ANXA4: variants seen among roughly 807,000 people sequenced by gnomAD.
The protein encoded by ANXA4 is 35-beta calcimedin.
ANXA4 carries 39 observed loss-of-function variants against 49.8 expected under a neutral mutation model. The observed-to-expected ratio is 0.78, with a 90% CI of 0.61 to 1.02. ANXA4 has a LOEUF of 1.02. Ranked by LOEUF, ANXA4 falls within the 50% of genes least tolerant of loss-of-function variation. The pLI is 0.00. For missense variants in ANXA4, 360 were observed against 410.1 expected (o/e 0.88, Z 1.05); for synonymous variants, 134 against 152.5 (o/e 0.88, Z 0.89).
At chr2:69,825,370 A>C in intron 12 of ANXA4, 86 bp from the exon 13 acceptor site, 1 of 1,102,256 alleles carries the variant, frequency 9.1e-7, no homozygotes, top group Non-Finnish European at 1.3e-6. Flanking sequence ...AATCCAGCCA[A>C]GCTTGAAAAA....
At chr2:69,781,290 A>G (rs764404614) in intron 1 of ANXA4, 1 of 571,116 alleles carries the variant, frequency 1.8e-6, no homozygotes, top group African/African-American at 1.9e-5. Flanking sequence ...ATCTCCAAAC[A>G]GAAGAACAGG....
chr2:69,802,869 T>A, intron 3 of ANXA4, among the ~76,000 whole-genome samples: 1 of 151,446 alleles, frequency 6.6e-6, no homozygotes, highest in South Asian at 2.1e-4. Context: ...AAGGGAGAAA[T>A]TGATTGTTAT....
intron 3 of ANXA4, among the ~76,000 whole-genome samples, chr2:69,790,641 T>C (rs1672651513): frequency 6.6e-6 from 1 of 152,110 alleles, no homozygotes; most frequent in Admixed American, 6.6e-5. Context: ...TTGGTCTTAC[T>C]TTCCCAAAAA....
At chr2:69,725,291 A>G (rs1231319761) in intron 3 of ANXA4, among the ~76,000 whole-genome samples, 1 of 151,246 alleles carries the variant, frequency 6.6e-6, no homozygotes, top group Non-Finnish European at 1.5e-5. Flanking sequence ...TTTTTATTTG[A>G]GGCATCATTT....
intron 7 of ANXA4, 104 bp from the exon 8 acceptor site, chr2:69,812,549 T>C: frequency 1.1e-6 from 1 of 909,224 alleles, no homozygotes; most frequent in Non-Finnish European, 1.7e-6. Context: ...GCTCCAATTC[T>C]TGTGGTATTT....
At chr2:69,658,505 A>T (rs908958010) in intron 2 of ANXA4, among the ~76,000 whole-genome samples, 3 of 152,082 alleles carry the variant, frequency 2.0e-5, no homozygotes, top group Non-Finnish European at 4.4e-5. Context: ...AGATATCAAA[A>T]CAGTTTCACG....
At chr2:69,669,051 C>T (rs1298914715) in intron 2 of ANXA4, among the ~76,000 whole-genome samples, 1 of 151,794 alleles carries the variant, frequency 6.6e-6, no homozygotes. Flanking sequence ...ATTCTCCTGC[C>T]TCAGCCTCCC....
chr2:69,785,580 G>GATGATGATGATGA (rs1672381149), intron 2 of ANXA4, among the ~76,000 whole-genome samples: 1 of 151,618 alleles, frequency 6.6e-6, no homozygotes, highest in Admixed American at 6.6e-5. Context: ...TGATGATGAT[G>GATGATGATGATGA]TTTCTGAGTT....
chr2:69,688,815 T>C (rs536375929), intron 2 of ANXA4, among the ~76,000 whole-genome samples: 1 of 152,364 alleles, frequency 6.6e-6, no homozygotes, highest in African/African-American at 2.4e-5. Context: ...TGATTTCTAA[T>C]ATGACAAGAT....
At chr2:69,660,775 GGA>G (rs60225306) in intron 2 of ANXA4, among the ~76,000 whole-genome samples, 75 of 145,308 alleles carry the variant, frequency 5.2e-4, no homozygotes, top group East Asian at 1.2e-3. Context: ...AGGGAGGGAG[GGA>G]GAGAGAGAGA....
chr2:69,822,554 T>A (rs1674286450), intron 12 of ANXA4, among the ~76,000 whole-genome samples: 1 of 151,980 alleles, frequency 6.6e-6, no homozygotes, highest in Admixed American at 6.6e-5. Context: ...TGTATATACA[T>A]ACATAAAAAG....
intron 1 of ANXA4, among the ~76,000 whole-genome samples, chr2:69,777,457 C>T (rs139851200): frequency 1.4e-3 from 206 of 152,218 alleles, no homozygotes; most frequent in African/African-American, 4.4e-3. Context: ...TGCGGTTAAC[C>T]GGGCTTGTTA....
chr2:69,649,924 ATTTTTTTTTTTTTT>A (rs35212855), intron 1 of ANXA4, among the ~76,000 whole-genome samples: 1 of 52,014 alleles, frequency 1.9e-5, no homozygotes, highest in Admixed American at 3.0e-4. Flanking sequence ...GCCTGGCCTG[ATTTTTTTTTTTTTT>A]TTTTTTTTTT....
At chr2:69,755,311 A>C (rs374177120) in intron 1 of ANXA4, among the ~76,000 whole-genome samples, 1 of 152,196 alleles carries the variant, frequency 6.6e-6, no homozygotes, top group Non-Finnish European at 1.5e-5. Context: ...ATGCCACTGA[A>C]TTGTACACTT....
At chr2:69,717,718 C>T (rs993378497) in intron 2 of ANXA4, among the ~76,000 whole-genome samples, 6 of 152,188 alleles carry the variant, frequency 3.9e-5, no homozygotes, top group Admixed American at 3.3e-4. Flanking sequence ...CCCACAAAGC[C>T]TTGCCTCTGC....
Position 69,787,932 on chromosome 2 carries a change from AC to A in ANXA4, c.10-118del. The A allele has an allele frequency of 3.7e-6, 3 of 804,220 alleles. No individual in the cohort carries two copies. In the Admixed American group the frequency reaches 6.1e-5, roughly 16 times the overall value. 49.8% of individuals were successfully genotyped at this position (804,220 alleles called of 1,614,324 possible). A position where few individuals can be genotyped will look rare whatever the true frequency, so the allele number is the denominator to read the frequency against. On this transcript the variant is annotated intron_variant, in intron 2 of 12. Coordinates refer to ENST00000394295, the MANE Select transcript of ANXA4 (RefSeq NM_001153.5). ...CTTAATTTTTCATGGTCACTACTGTACCCCTAGCACCTAGAATACCATCTAG... is the reference window on the plus strand; with the variant it reads ...CTTAATTTTTCATGGTCACTACTGTACCCTAGCACCTAGAATACCATCTAG...
At chr2:69,825,342 A>T (rs1416997071) in intron 12 of ANXA4, 114 bp from the exon 13 acceptor site, 3 of 805,784 alleles carry the variant, frequency 3.7e-6, no homozygotes, top group Non-Finnish European at 4.0e-6. Context: ...ATAACAAAAA[A>T]AATTTAAAGC....
intron 3 of ANXA4, among the ~76,000 whole-genome samples, chr2:69,796,906 A>G (rs1469609915): frequency 6.6e-6 from 1 of 152,072 alleles, no homozygotes; most frequent in African/African-American, 2.4e-5. Context: ...AGTGCTTGCT[A>G]ACGTCTGGGT....
intron 4 of ANXA4, among the ~76,000 whole-genome samples, chr2:69,805,096 C>T (rs181542583): frequency 2.0e-5 from 3 of 146,828 alleles, no homozygotes; most frequent in Non-Finnish European, 3.0e-5. Flanking sequence ...GCTCCTTCTT[C>T]GTCAATTGAT....
Sources: allele counts gnomAD v4.1 joint callset (sites outside exome capture counted in the v4.1 genomes callset), GRCh38; gene constraint gnomAD v4.1.1; transcripts MANE v1.5; gene names NCBI Gene and HGNC (gene_info 2026-07-23, HGNC 2026-07-21).